The following AGO2 variants were observed in gnomAD, a reference collection of about 807,000 sequenced individuals.
AGO2 encodes argonaute RISC catalytic component 2.
AGO2 carries 5 observed loss-of-function variants against 102.3 expected under a neutral mutation model. The ratio of observed to expected loss-of-function variants is 0.05; its 90% CI spans 0.03 to 0.10. The LOEUF (loss-of-function observed/expected upper bound fraction) is 0.10. Among genes scored for constraint, AGO2 ranks in the 10% least tolerant of loss-of-function variants. The probability of loss-of-function intolerance (pLI) is 1.00; values close to 1 mark genes in which losing one functional copy is unlikely to be tolerated. For synonymous variants in AGO2, 449 were observed against 473.1 expected (o/e 0.95, Z 0.66); for missense variants, 541 against 1,183.7 (o/e 0.46, Z 7.97).
chr8:140,548,213 G>A (rs1564079589), intron 12 of AGO2, among the ~76,000 whole-genome samples: 1 of 151,904 alleles, frequency 6.6e-6, no homozygotes, highest in East Asian at 1.9e-4. Flanking sequence ...CTACTCGGGA[G>A]GCTGAGGCAG....
At position 140,527,266 on chromosome 8, in the gene AGO2, C is replaced by A. The variant is rs2072522413; in HGVS notation, c.*4778G>T. On this transcript the variant is annotated 3_prime_UTR_variant, in exon 19 of 19. Transcript: ENST00000220592. This position sits in a 1 kb window ranked among gnomAD's most constrained non-coding sequence, Gnocchi z 6.0. Reference sequence around the variant, plus strand: ...TTGTCCTTCATAAATGGTCAACAGACACGAAGCTAAAGGGCGGAACAGAGT... The same window carrying A: ...TTGTCCTTCATAAATGGTCAACAGAAACGAAGCTAAAGGGCGGAACAGAGT... 1 of 152,174 alleles carries A rather than the reference C, an allele frequency of 6.6e-6. No individual in the cohort carries two copies. The highest frequency in any genetic ancestry group is 2.4e-5 in the African/African-American group (1 of 41,428). 9.4% of individuals were successfully genotyped at this position (152,174 alleles called of 1,614,324 possible).
intron 1 of AGO2, among the ~76,000 whole-genome samples, chr8:140,632,153 A>T (rs1022985933): frequency 5.9e-5 from 9 of 152,264 alleles, no homozygotes; most frequent in African/African-American, 2.2e-4. Context: ...GTTAAAAAAT[A>T]ATTCTGCTTC....
chr8:140,639,423 G>C (rs2074428555), upstream of AGO2, among the ~76,000 whole-genome samples: 1 of 151,720 alleles, frequency 6.6e-6, no homozygotes, highest in Non-Finnish European at 1.5e-5. Context: ...GGAGGTCGCA[G>C]TGAGCCGAGA....
In AGO2 at chr8:140,584,658, A is replaced by G. The variant is rs201244264; in HGVS notation, c.215+461T>C. 2.0e-5 allele frequency among the ~76,000 whole-genome samples: 3 copies of G among 152,226 alleles called. No individual in the cohort carries two copies. In the East Asian group the frequency reaches 5.8e-4, roughly 29 times the overall value. On this transcript the variant is annotated intron_variant, in intron 2 of 18. Coordinates refer to ENST00000220592, the MANE Select transcript of AGO2 (RefSeq NM_012154.5). ...ATTTAGCAATAAAAATAAGCTACAA[A>G]TACACACAACGGCGCAGGTGGGTCT...
At position 140,531,085 on chromosome 8, in the gene AGO2, C is replaced by T. The variant is rs1430442991; in HGVS notation, c.*959G>A. On this transcript the variant is annotated 3_prime_UTR_variant, in exon 19 of 19. Transcript: ENST00000220592. ...GCGGTCCCATCTCCAGGCTCCAAAACACTCTTGATATGCCAAACAGATCAC... is the reference window on the plus strand; with the variant it reads ...GCGGTCCCATCTCCAGGCTCCAAAATACTCTTGATATGCCAAACAGATCAC... 2 of 152,452 alleles carry T rather than the reference C, an allele frequency of 1.3e-5. No individual in the cohort carries two copies. The highest frequency in any genetic ancestry group is 1.3e-4 in the Admixed American group (2 of 15,272). The allele number at this position is 152,452 out of a possible 1,614,324, so 9.4% of individuals were successfully genotyped here. A position where few individuals can be genotyped will look rare whatever the true frequency, so the allele number is the denominator to read the frequency against.
At chr8:140,598,793 C>G (rs1261772637) in intron 1 of AGO2, among the ~76,000 whole-genome samples, 1 of 152,238 alleles carries the variant, frequency 6.6e-6, no homozygotes, top group Non-Finnish European at 1.5e-5. Flanking sequence ...TGGCACAAGA[C>G]AATTGTACAG....
At chr8:140,581,894 G>A (rs2073563799) in intron 2 of AGO2, among the ~76,000 whole-genome samples, 2 of 152,116 alleles carry the variant, frequency 1.3e-5, no homozygotes, top group Admixed American at 6.5e-5. Context: ...TCAGAGTTCT[G>A]CAACCATCAC....
chr8:140,563,238 C>G (rs146876987), intron 3 of AGO2, among the ~76,000 whole-genome samples: 1 of 152,160 alleles, frequency 6.6e-6, no homozygotes, highest in Non-Finnish European at 1.5e-5. Context: ...AAAATTCATT[C>G]GCCACTTTTG....
chr8:140,586,820 C>T (rs747899807), intron 1 of AGO2, among the ~76,000 whole-genome samples: 2 of 152,174 alleles, frequency 1.3e-5, no homozygotes, highest in Non-Finnish European at 2.9e-5. Flanking sequence ...CAGGAAACGT[C>T]TAGGACAGAG....
At chr8:140,607,899 T>G (rs1161289534) in intron 1 of AGO2, among the ~76,000 whole-genome samples, 1 of 151,988 alleles carries the variant, frequency 6.6e-6, no homozygotes, top group Non-Finnish European at 1.5e-5. Flanking sequence ...CGCAGTTGAG[T>G]TATGTACTTT....
At chr8:140,586,860 G>A (rs573893757) in intron 1 of AGO2, among the ~76,000 whole-genome samples, 12 of 152,118 alleles carry the variant, frequency 7.9e-5, no homozygotes, top group Admixed American at 5.2e-4. Flanking sequence ...GGCCAATCTC[G>A]ATTTCAGGGT....
intron 16 of AGO2, among the ~76,000 whole-genome samples, chr8:140,538,369 T>G (rs550871401): frequency 6.6e-6 from 1 of 152,344 alleles, no homozygotes; most frequent in Admixed American, 6.5e-5. Context: ...TGGGCAGGTC[T>G]CTTTCCTTAG....
At chr8:140,572,634 C>A in intron 3 of AGO2, 178 bp downstream of exon 3, 1 of 868,056 alleles carries the variant, frequency 1.2e-6, no homozygotes. Flanking sequence ...TCACTGAAAG[C>A]CACAACACAG....
chr8:140,581,178 A>G (rs1021716622), intron 2 of AGO2, among the ~76,000 whole-genome samples: 3 of 152,252 alleles, frequency 2.0e-5, no homozygotes, highest in Non-Finnish European at 4.4e-5. Flanking sequence ...CAAGGTGAGC[A>G]GACTGCTTGA....
intron 1 of AGO2, among the ~76,000 whole-genome samples, chr8:140,608,774 T>C (rs1279855714): frequency 6.6e-6 from 1 of 152,238 alleles, no homozygotes; most frequent in African/African-American, 2.4e-5. Flanking sequence ...GGGGTGTCCC[T>C]GCGAGACCTA....
rs1420206721 is a variant in AGO2 at position 140,567,036 on chromosome 8, T to G, written c.337-4402A>C. Among the ~76,000 whole-genome samples the G allele has an allele frequency of 6.6e-6, 1 of 152,270 alleles. No homozygotes were observed. The highest frequency in any genetic ancestry group is 6.5e-5 in the Admixed American group (1 of 15,292). On this transcript the variant is annotated intron_variant, in intron 3 of 18. Coordinates refer to ENST00000220592, the MANE Select transcript of AGO2 (RefSeq NM_012154.5). This position sits in a 1 kb window ranked among gnomAD's most constrained non-coding sequence, Gnocchi z 5.0. ...ACTCGGCATCCAGCCTACAGTGCTG[T>G]GCCCTGGCACGGATCGGATGCCTGT...
chr8:140,607,787 A>G (rs2074023557), intron 1 of AGO2, among the ~76,000 whole-genome samples: 1 of 152,160 alleles, frequency 6.6e-6, no homozygotes, highest in South Asian at 2.1e-4. Context: ...GGAGGGGGCC[A>G]TAGGAAGCAG....
chr8:140,633,062 A>G (rs1362286114), intron 1 of AGO2, among the ~76,000 whole-genome samples: 1 of 151,936 alleles, frequency 6.6e-6, no homozygotes, highest in Non-Finnish European at 1.5e-5. Context: ...ACAGGCGTGC[A>G]CCACCACGCC....
intron 18 of AGO2, 32 bp from the exon 19 acceptor site, chr8:140,532,184 T>A: frequency 6.3e-7 from 1 of 1,590,642 alleles, no homozygotes; most frequent in Non-Finnish European, 8.6e-7. Context: ...AGAATGAGAA[T>A]GTGCAGCCTT....
Sources: allele counts gnomAD v4.1 joint callset (sites outside exome capture counted in the v4.1 genomes callset), GRCh38; gene constraint gnomAD v4.1.1; non-coding constraint Gnocchi (gnomAD v3.1); transcripts MANE v1.5; gene names NCBI Gene and HGNC (gene_info 2026-07-23, HGNC 2026-07-21).